The following TPRG1 variants were observed in gnomAD, a reference collection of about 807,000 sequenced individuals.
The protein encoded by TPRG1 is tumor protein p63-regulated gene 1 protein.
Under a neutral mutation model 29.3 loss-of-function variants are expected in TPRG1, and 29 were observed. The ratio of observed to expected loss-of-function variants is 0.99; its 90% CI spans 0.74 to 1.35. TPRG1 has a LOEUF of 1.35. Ranked by LOEUF, TPRG1 falls within the 40% of genes most tolerant of loss-of-function variation. TPRG1 has a pLI of 0.00. For synonymous variants in TPRG1, 130 were observed against 116.8 expected (o/e 1.11, Z -0.73); for missense variants, 327 against 335.0 (o/e 0.98, Z 0.19).
At chr3:189,146,515 C>G (rs1033396431) in intron 3 of TPRG1, among the ~76,000 whole-genome samples, 1 of 152,164 alleles carries the variant, frequency 6.6e-6, no homozygotes, top group African/African-American at 2.4e-5. Flanking sequence ...ACCTGCAATG[C>G]CCTGTACAGA....
At chr3:189,208,915 T>G (rs1019969947) in intron 2 of TPRG1, among the ~76,000 whole-genome samples, 3 of 152,236 alleles carry the variant, frequency 2.0e-5, no homozygotes, top group African/African-American at 7.2e-5. Context: ...GAAAGTTGTT[T>G]TCTCTGAATC....
chr3:189,046,345 A>T (rs1273715064), intron 4 of TPRG1, among the ~76,000 whole-genome samples: 1 of 152,224 alleles, frequency 6.6e-6, no homozygotes, highest in Non-Finnish European at 1.5e-5. Flanking sequence ...CAGAAATCAC[A>T]GAGACAGTTC....
intron 4 of TPRG1, among the ~76,000 whole-genome samples, chr3:189,032,826 C>A (rs1714012466): frequency 6.8e-6 from 1 of 146,106 alleles, no homozygotes. Context: ...CAATTCCCAC[C>A]TATGAGTGAG....
chr3:189,104,877 C>T (rs1560448683), intron 1 of TPRG1, among the ~76,000 whole-genome samples: 3 of 152,094 alleles, frequency 2.0e-5, no homozygotes. Context: ...TCTCCTCTGG[C>T]TCCATAATTT....
rs541577926 is a variant in TPRG1, at chr3:189,269,920, G to A, written c.479+31011G>A. On this transcript the variant is annotated intron_variant, in intron 4 of 5. Transcript: ENST00000345063. Reference sequence around the variant, plus strand: ...CCAGGAAAAAGGAACATGCTCTGTGGAAACATGGAGGAAATGGAGCATTGG... The same window carrying A: ...CCAGGAAAAAGGAACATGCTCTGTGAAAACATGGAGGAAATGGAGCATTGG... Among the ~76,000 whole-genome samples the A allele has an allele frequency of 8.5e-5, 13 of 152,260 alleles. No homozygotes were observed. In the East Asian group the frequency reaches 2.3e-3, roughly 27 times the overall value.
At chr3:189,294,952 A>AT (rs1216221107) in intron 4 of TPRG1, among the ~76,000 whole-genome samples, 2 of 152,342 alleles carry the variant, frequency 1.3e-5, no homozygotes, top group Middle Eastern at 3.4e-3. Flanking sequence ...TGCTGCACCC[A>AT]TTAACTCCTC....
intron 1 of TPRG1, among the ~76,000 whole-genome samples, chr3:189,184,523 T>C (rs546688835): frequency 1.0e-4 from 15 of 150,036 alleles, no homozygotes; most frequent in African/African-American, 3.5e-4. Context: ...ATAGTGGGCT[T>C]AAGGGAAGAT....
At chr3:189,168,864 A>G (rs1282881930), upstream of TPRG1, among the ~76,000 whole-genome samples, 4 of 152,176 alleles carry the variant, frequency 2.6e-5, no homozygotes, top group African/African-American at 7.2e-5. Context: ...TGCATGATCC[A>G]CTATGAGGGA....
At chr3:189,081,548 G>A (rs565998051) in intron 4 of TPRG1, among the ~76,000 whole-genome samples, 1 of 152,148 alleles carries the variant, frequency 6.6e-6, no homozygotes, top group Non-Finnish European at 1.5e-5. Flanking sequence ...AAGAAAAAAA[G>A]TATGGTCACA....
At chr3:189,105,346 G>A (rs1233699371) in intron 1 of TPRG1, among the ~76,000 whole-genome samples, 1 of 152,112 alleles carries the variant, frequency 6.6e-6, no homozygotes, top group Non-Finnish European at 1.5e-5. Context: ...CAGATGGAAT[G>A]TAATCTGTAC....
At chr3:189,089,962 A>G (rs983217744) in intron 4 of TPRG1, among the ~76,000 whole-genome samples, 2 of 151,964 alleles carry the variant, frequency 1.3e-5, no homozygotes, top group African/African-American at 4.8e-5. Context: ...GGAAGCAGCT[A>G]TTGGGGTAAT....
At chr3:189,108,925 T>C (rs970479694) in intron 1 of TPRG1, among the ~76,000 whole-genome samples, 1 of 152,078 alleles carries the variant, frequency 6.6e-6, no homozygotes. Context: ...TGTAGTTAAC[T>C]CTGTGCTTGA....
intron 4 of TPRG1, among the ~76,000 whole-genome samples, chr3:189,065,489 T>C (rs1716377313): frequency 1.3e-5 from 2 of 152,098 alleles, no homozygotes; most frequent in Admixed American, 6.6e-5. Flanking sequence ...AACAGATTTA[T>C]TTCAGGTATA....
intron 4 of TPRG1, among the ~76,000 whole-genome samples, chr3:189,053,268 C>T (rs1016856038): frequency 6.6e-6 from 1 of 152,154 alleles, no homozygotes; most frequent in African/African-American, 2.4e-5. Flanking sequence ...CTGCAGCTTC[C>T]TCACCTGTCT....
At chr3:189,317,409 C>T (rs1262573822) in intron 5 of TPRG1, among the ~76,000 whole-genome samples, 1 of 152,192 alleles carries the variant, frequency 6.6e-6, no homozygotes, top group Non-Finnish European at 1.5e-5. Context: ...TCTCATTCTG[C>T]TTTCCTAATC....
intron 4 of TPRG1, among the ~76,000 whole-genome samples, chr3:189,056,199 G>A (rs897845264): frequency 6.6e-6 from 1 of 151,960 alleles, no homozygotes; most frequent in Non-Finnish European, 1.5e-5. Context: ...GGGTCCAAGC[G>A]AGTCTCATGC....
At chr3:189,287,915 A>G (rs551976372) in intron 4 of TPRG1, among the ~76,000 whole-genome samples, 83 of 152,308 alleles carry the variant, frequency 5.4e-4, no homozygotes, top group African/African-American at 1.9e-3. Context: ...AATTGAGTTC[A>G]TAATGATGAA....
intron 3 of TPRG1, chr3:189,219,423 C>G (rs1358438531): frequency 1.1e-5 from 3 of 271,172 alleles, no homozygotes; most frequent in Non-Finnish European, 2.0e-5. Context: ...GGCCTCCAGG[C>G]GAGCTCATCC....
At chr3:189,064,423 G>A (rs7628271) in intron 4 of TPRG1, among the ~76,000 whole-genome samples, 2,295 of 151,714 alleles carry the variant, frequency 0.015, 68 homozygotes, top group African/African-American at 0.054. Flanking sequence ...ACGCTTTCCT[G>A]TACACAAGAA....
Sources: allele counts gnomAD v4.1 joint callset (sites outside exome capture counted in the v4.1 genomes callset), GRCh38; gene constraint gnomAD v4.1.1; transcripts MANE v1.5; gene names NCBI Gene and HGNC (gene_info 2026-07-23, HGNC 2026-07-21).